PPFIA3: variants seen among roughly 807,000 people sequenced by gnomAD.
PPFIA3 encodes the protein PPFI scaffold protein A3, also known as liprin-alpha-3.
A neutral mutation model predicts 145.8 loss-of-function variants in PPFIA3; 26 were observed. That is an observed-to-expected ratio of 0.18 (90% CI 0.13 to 0.25). The LOEUF is 0.25. Ranked by LOEUF, PPFIA3 falls within the 10% of genes least tolerant of loss-of-function variation. PPFIA3 has a pLI of 1.00. For synonymous variants in PPFIA3, 645 were observed against 661.4 expected (o/e 0.98, Z 0.38); for missense variants, 1,008 against 1,587.8 (o/e 0.63, Z 6.21).
intron 19 of PPFIA3, among the ~76,000 whole-genome samples, 159 bp from the exon 20 acceptor site, chr19:49,141,875 A>G (rs569564850): frequency 1.3e-5 from 2 of 149,084 alleles, no homozygotes; most frequent in Admixed American, 6.7e-5. Flanking sequence ...ACAGATTCAC[A>G]TGTATTTTTT....
At position 49,143,127 on chromosome 19, in the gene PPFIA3, A is replaced by AC. The variant is rs1249670692; in HGVS notation, c.2745+129dup. The AC allele has an allele frequency of 7.0e-6, 8 of 1,141,714 alleles. No homozygotes were observed. The Admixed American group carries it at 1.5e-4, about 22-fold the overall frequency. 70.7% of individuals were successfully genotyped at this position (1,141,714 alleles called of 1,614,324 possible). The stretch of plus-strand genomic sequence containing the variant: ...ACGACCCTGCTTCTCATTGGCTTTT[A>AC]CCCCCCTCAGCCTCCCCTCCACTCC... On this transcript the variant is annotated intron_variant, in intron 21 of 29. Coordinates refer to ENST00000334186, the MANE Select transcript of PPFIA3 (RefSeq NM_003660.4).
Sources: gnomAD v4.1 joint callset for allele counts (sites outside exome capture counted in the v4.1 genomes callset) on GRCh38, gnomAD v4.1.1 for gene constraint, MANE v1.5 for transcripts, NCBI Gene and HGNC (gene_info 2026-07-23, HGNC 2026-07-21) for gene names.